The following ARHGAP24 variants were observed in gnomAD, a reference collection of about 807,000 sequenced individuals.
ARHGAP24 encodes the protein rho GTPase-activating protein 24.
A neutral mutation model predicts 76.4 loss-of-function variants in ARHGAP24; 50 were observed. The observed-to-expected ratio is 0.65, with a 90% CI of 0.52 to 0.83. ARHGAP24 has a LOEUF of 0.83. Ranked by LOEUF, ARHGAP24 falls within the 40% of genes least tolerant of loss-of-function variation. ARHGAP24 has a pLI of 0.00. For missense variants in ARHGAP24, 930 were observed against 914.2 expected (o/e 1.02, Z -0.22); for synonymous variants, 345 against 323.3 (o/e 1.07, Z -0.72).
intron 3 of ARHGAP24, among the ~76,000 whole-genome samples, chr4:85,828,433 A>T (rs374922776): frequency 8.5e-5 from 13 of 152,226 alleles, no homozygotes; most frequent in African/African-American, 3.1e-4. Flanking sequence ...TGATCTGTTG[A>T]CAAAAGCAGT....
At chr4:85,709,132 G>C (rs1724427679) in intron 2 of ARHGAP24, among the ~76,000 whole-genome samples, 1 of 152,002 alleles carries the variant, frequency 6.6e-6, no homozygotes, top group African/African-American at 2.4e-5. Context: ...TAGAAAGCAT[G>C]GCATTCTAGG....
rs974551693 is a variant in ARHGAP24 at position 85,570,629 on chromosome 4, G to C, written c.88G>C (p.Gly30Arg). Residue 30 changes from glycine to arginine, a missense_variant, in exon 2 of 10, where the codon GGA becomes CGA. Coordinates refer to ENST00000395184, the MANE Select transcript of ARHGAP24 (RefSeq NM_001025616.3). The part of the protein sequence containing the change: ...AIKCGWLRKQ[G>R]GFVKTWHTRW... ...CAAGTGTGGGTGGCTGAGGAAGCAA[G>C]GAGGCTTTGTCAAGACTTGGCATAC... 6.2e-7 allele frequency: 1 copy of C among 1,614,132 alleles called. No individual in the cohort carries two copies. Among genetic ancestry groups the C allele is most frequent in the Non-Finnish European group, 8.5e-7 (1 of 1,180,012 alleles).
At chr4:85,917,100 C>T (rs1735451029) in intron 3 of ARHGAP24, among the ~76,000 whole-genome samples, 2 of 151,948 alleles carry the variant, frequency 1.3e-5, no homozygotes, top group South Asian at 4.2e-4. Flanking sequence ...GTGTGATGTT[C>T]CCCTTCCTGT....
chr4:85,539,261 T>G (rs574372847), intron 1 of ARHGAP24, among the ~76,000 whole-genome samples: 1 of 152,298 alleles, frequency 6.6e-6, no homozygotes, highest in East Asian at 1.9e-4. Context: ...GAGAATTACT[T>G]TCCTTCCTTC....
intron 2 of ARHGAP24, among the ~76,000 whole-genome samples, chr4:85,657,140 G>T (rs1722205839): frequency 6.7e-6 from 1 of 148,866 alleles, no homozygotes; most frequent in Admixed American, 6.8e-5. Context: ...AGAATTGATG[G>T]ATTTTGTTTT....
At chr4:85,831,009 T>C (rs865786108) in intron 3 of ARHGAP24, among the ~76,000 whole-genome samples, 1 of 152,198 alleles carries the variant, frequency 6.6e-6, no homozygotes, top group African/African-American at 2.4e-5. Context: ...TGACTGCCTG[T>C]CATTCTTGGC....
chr4:85,839,105 G>T (rs1578281732), intron 3 of ARHGAP24, among the ~76,000 whole-genome samples: 1 of 152,182 alleles, frequency 6.6e-6, no homozygotes, highest in East Asian at 1.9e-4. Flanking sequence ...CAATTACAAT[G>T]AACTAAAAAT....
intron 3 of ARHGAP24, among the ~76,000 whole-genome samples, chr4:85,851,441 C>G (rs1252710579): frequency 4.6e-5 from 7 of 152,258 alleles, no homozygotes; most frequent in African/African-American, 1.7e-4. Flanking sequence ...GCATTTAGCC[C>G]ATTTACATTT....
intron 2 of ARHGAP24, among the ~76,000 whole-genome samples, chr4:85,687,830 A>G (rs1018363884): frequency 6.6e-6 from 1 of 151,616 alleles, no homozygotes; most frequent in African/African-American, 2.4e-5. Flanking sequence ...TTTTTTTTTA[A>G]AACAGAGTTT....
chr4:85,768,397 A>G (rs922138729), intron 3 of ARHGAP24, among the ~76,000 whole-genome samples: 5 of 152,158 alleles, frequency 3.3e-5, no homozygotes, highest in African/African-American at 7.2e-5. Context: ...TGAGTTGAGC[A>G]GGCAAATTAA....
intron 5 of ARHGAP24, among the ~76,000 whole-genome samples, chr4:85,952,708 C>T (rs777124402): frequency 6.6e-6 from 1 of 152,054 alleles, no homozygotes; most frequent in Admixed American, 6.6e-5. Context: ...ACTCATTGTT[C>T]CTACGGTTAT....
chr4:85,646,227 T>A (rs1482365423), intron 2 of ARHGAP24, among the ~76,000 whole-genome samples: 1 of 151,978 alleles, frequency 6.6e-6, no homozygotes, highest in East Asian at 1.9e-4. Context: ...ATTATAGTAA[T>A]TTAGTCATCT....
intron 2 of ARHGAP24, among the ~76,000 whole-genome samples, chr4:85,676,733 C>A (rs2110006371): frequency 6.6e-6 from 1 of 152,224 alleles, no homozygotes; most frequent in Admixed American, 6.5e-5. Context: ...TCTGAGGGGG[C>A]CAAGCAGTAC....
intron 3 of ARHGAP24, among the ~76,000 whole-genome samples, chr4:85,768,073 C>T (rs1005971192): frequency 6.6e-6 from 1 of 152,028 alleles, no homozygotes; most frequent in Non-Finnish European, 1.5e-5. Flanking sequence ...TGTTTATATG[C>T]GGCTGCTGTG....
intron 2 of ARHGAP24, among the ~76,000 whole-genome samples, chr4:85,716,222 G>C (rs530691276): frequency 6.6e-6 from 1 of 152,076 alleles, no homozygotes; most frequent in African/African-American, 2.4e-5. Flanking sequence ...CCAATCTCTT[G>C]TGGTTTTGGC....
intron 3 of ARHGAP24, among the ~76,000 whole-genome samples, chr4:85,843,407 G>A (rs1375338391): frequency 6.6e-6 from 1 of 151,924 alleles, no homozygotes; most frequent in Non-Finnish European, 1.5e-5. Context: ...AACTCAAGAC[G>A]CAAATAGCAG....
chr4:85,804,304 CT>C (rs1436591663), intron 3 of ARHGAP24, among the ~76,000 whole-genome samples: 11 of 152,150 alleles, frequency 7.2e-5, no homozygotes, highest in African/African-American at 2.7e-4. Flanking sequence ...TACAGTGTTT[CT>C]TTGCAGCAGC....
intron 1 of ARHGAP24, among the ~76,000 whole-genome samples, chr4:85,495,385 C>T (rs1723532532): frequency 1.8e-5 from 2 of 109,598 alleles, no homozygotes; most frequent in South Asian, 6.9e-4. Context: ...GAGTCTCACT[C>T]TGTTGCCCAG....
intron 3 of ARHGAP24, among the ~76,000 whole-genome samples, chr4:85,904,563 A>G (rs1359229410): frequency 6.6e-6 from 1 of 152,230 alleles, no homozygotes; most frequent in East Asian, 1.9e-4. Flanking sequence ...TTAAAGTGTT[A>G]TTCACATTAC....
Sources: allele counts gnomAD v4.1 joint callset (sites outside exome capture counted in the v4.1 genomes callset), GRCh38; gene constraint gnomAD v4.1.1; transcripts MANE v1.5; gene names NCBI Gene and HGNC (gene_info 2026-07-23, HGNC 2026-07-21).